The following GLRA2 variants were observed in gnomAD, a reference collection of about 807,000 sequenced individuals.
GLRA2 encodes glycine receptor subunit alpha-2.
A neutral mutation model predicts 31.6 loss-of-function variants in GLRA2; 11 were observed. The ratio of observed to expected loss-of-function variants is 0.35; its 90% CI spans 0.22 to 0.58. The LOEUF is 0.58. Ranked by LOEUF, GLRA2 falls within the 20% of genes least tolerant of loss-of-function variation. The pLI is 0.84. For missense variants in GLRA2, 212 were observed against 351.8 expected (o/e 0.60, Z 3.18); for synonymous variants, 132 against 134.0 (o/e 0.99, Z 0.10).
At chrX:14,499,461 G>A in the GLRA2 span, among the ~76,000 whole-genome samples, 1 of 110,516 alleles carries the variant, frequency 9.0e-6, no homozygotes, top group Non-Finnish European at 1.9e-5. Flanking sequence ...ATCAACCTAG[G>A]TATCCATCGA....
chrX:14,536,078 C>T (rs921677926), intron 2 of GLRA2, among the ~76,000 whole-genome samples: 1 of 111,988 alleles, frequency 8.9e-6, no homozygotes, highest in African/African-American at 3.2e-5. Context: ...TTCTTTGTGC[C>T]TGCCATGCAC....
the GLRA2 span, among the ~76,000 whole-genome samples, chrX:14,511,341 T>C: frequency 8.9e-6 from 1 of 111,865 alleles, no homozygotes; most frequent in East Asian, 2.8e-4. Context: ...TTCCACAGAC[T>C]TAGTCTTATA....
the GLRA2 span, among the ~76,000 whole-genome samples, chrX:14,507,246 G>A: frequency 7.2e-5 from 8 of 111,810 alleles, no homozygotes; most frequent in Non-Finnish European, 7.5e-5. Flanking sequence ...CTTAAAAGAT[G>A]GTAATGAATA....
intron 2 of GLRA2, among the ~76,000 whole-genome samples, chrX:14,558,336 T>G (rs568346657): frequency 8.9e-6 from 1 of 112,232 alleles, no homozygotes; most frequent in Admixed American, 9.4e-5. Context: ...TAAGCATCAT[T>G]ATTTCTATTC....
At chrX:14,623,112 T>C (rs1391878662) in intron 7 of GLRA2, among the ~76,000 whole-genome samples, 3 of 111,766 alleles carry the variant, frequency 2.7e-5, no homozygotes, top group African/African-American at 9.7e-5. Flanking sequence ...TTTGAAGCAA[T>C]TGTGAATTGG....
At chrX:14,481,756 G>T in the GLRA2 span, among the ~76,000 whole-genome samples, 1 of 110,137 alleles carries the variant, frequency 9.1e-6, no homozygotes, top group South Asian at 4.0e-4. Context: ...AGATCCTGAA[G>T]AGTGATTACA....
the GLRA2 span, among the ~76,000 whole-genome samples, chrX:14,457,789 T>C: frequency 5.6e-4 from 62 of 111,506 alleles, no homozygotes; most frequent in African/African-American, 1.9e-3. Context: ...TCTTCCACAA[T>C]GGTTGAACTA....
chrX:14,534,269 A>G (rs1376363623), intron 2 of GLRA2, among the ~76,000 whole-genome samples: 1 of 107,190 alleles, frequency 9.3e-6, no homozygotes, highest in Non-Finnish European at 1.9e-5. Flanking sequence ...AGGATATTTT[A>G]ATGACTTATA....
chrX:14,715,455 C>G (rs1299608947), intron 8 of GLRA2, among the ~76,000 whole-genome samples: 1 of 111,766 alleles, frequency 8.9e-6, no homozygotes, highest in African/African-American at 3.2e-5. Context: ...ATTCTAGGCA[C>G]TGGGGATATC....
chrX:14,456,984 A>G, the GLRA2 span, among the ~76,000 whole-genome samples: 1 of 111,644 alleles, frequency 9.0e-6, no homozygotes, highest in South Asian at 3.8e-4. Context: ...CAACTGTGTA[A>G]AAGGGTTCCT....
At chrX:14,634,314 A>G (rs999229154) in intron 7 of GLRA2, among the ~76,000 whole-genome samples, 1 of 112,079 alleles carries the variant, frequency 8.9e-6, no homozygotes, top group Non-Finnish European at 1.9e-5. Context: ...TGAAATAACT[A>G]ACAGTGATGA....
the GLRA2 span, among the ~76,000 whole-genome samples, chrX:14,453,981 A>T: frequency 4.5e-5 from 5 of 111,920 alleles, no homozygotes; most frequent in African/African-American, 1.6e-4. Flanking sequence ...TAACATCTTG[A>T]CATAAAATCA....
chrX:14,618,246 C>T (rs1457353797), intron 7 of GLRA2, among the ~76,000 whole-genome samples: 1 of 111,674 alleles, frequency 9.0e-6, no homozygotes, highest in African/African-American at 3.3e-5. Flanking sequence ...TAAAATATCT[C>T]TCATGGCCCA....
intron 7 of GLRA2, among the ~76,000 whole-genome samples, chrX:14,629,695 G>A (rs1287231405): frequency 3.6e-5 from 4 of 111,223 alleles, no homozygotes; most frequent in African/African-American, 1.3e-4. Context: ...TTTGGATATC[G>A]TATTTTTTAA....
chrX:14,464,134 G>T, the GLRA2 span, among the ~76,000 whole-genome samples: 2 of 112,175 alleles, frequency 1.8e-5, no homozygotes, highest in Non-Finnish European at 3.8e-5. Context: ...AATTCTGTAG[G>T]TTTTCCTTTC....
chrX:14,675,537 A>C (rs914158272), intron 7 of GLRA2, among the ~76,000 whole-genome samples: 1 of 111,744 alleles, frequency 8.9e-6, no homozygotes. Flanking sequence ...TGTTTCTGCA[A>C]ACAGCACTTT....
chrX:14,724,930 G>A (rs1173878409), intron 8 of GLRA2, among the ~76,000 whole-genome samples: 1 of 111,257 alleles, frequency 9.0e-6, no homozygotes, highest in Non-Finnish European at 1.9e-5. Context: ...AATCTTGAAT[G>A]GAAGCCATTT....
In GLRA2 at chrX:14,681,914, T is replaced by A. The variant is rs868058462; in HGVS notation, c.931-8796T>A. Among the ~76,000 whole-genome samples the A allele has an allele frequency of 7.7e-3, 494 of 64,357 alleles. 4 individuals carry two copies. The highest frequency in any genetic ancestry group is 0.024 in the African/African-American group (441 of 18,356). The allele number at this position is 64,357 out of a possible 115,157, so 55.9% of individuals were successfully genotyped here. A position where few individuals can be genotyped will look rare whatever the true frequency, so the allele number is the denominator to read the frequency against. ...CTCAAAAAAAAAAAAAAAAAAAATA[T>A]ATATATATATATATATGTATATATA... On this transcript the variant is annotated intron_variant, in intron 7 of 8. Transcript: ENST00000218075.
At chrX:14,558,232 T>C (rs1480112539) in intron 2 of GLRA2, among the ~76,000 whole-genome samples, 1 of 112,118 alleles carries the variant, frequency 8.9e-6, no homozygotes, top group Non-Finnish European at 1.9e-5. Context: ...GTAATACTAC[T>C]ACCATTACTA....
Sources: gnomAD v4.1 joint callset for allele counts (sites outside exome capture counted in the v4.1 genomes callset) on GRCh38, gnomAD v4.1.1 for gene constraint, MANE v1.5 for transcripts, NCBI Gene and HGNC (gene_info 2026-07-23, HGNC 2026-07-21) for gene names.